TRDMT1: variants seen among roughly 807,000 people sequenced by gnomAD.
TRDMT1 encodes tRNA (cytosine(38)-C(5))-methyltransferase.
Under a neutral mutation model 51.2 loss-of-function variants are expected in TRDMT1, and 49 were observed. The observed-to-expected ratio is 0.96, with a 90% CI of 0.76 to 1.21. TRDMT1 has a LOEUF of 1.21. TRDMT1 is among the 50% of genes most tolerant of loss of function. The probability of loss-of-function intolerance (pLI) is 0.00; values close to 1 mark genes in which losing one functional copy is unlikely to be tolerated. For synonymous variants in TRDMT1, 187 were observed against 164.6 expected (o/e 1.14, Z -1.04); for missense variants, 534 against 462.3 (o/e 1.16, Z -1.42).
At chr10:17,182,651 AC>A (rs996837357) in intron 1 of TRDMT1, among the ~76,000 whole-genome samples, 8 of 152,202 alleles carry the variant, frequency 5.3e-5, no homozygotes, top group African/African-American at 1.9e-4. Flanking sequence ...TTATGGTAAT[AC>A]CCAATCACTT....
intron 1 of TRDMT1, chr10:17,201,176 G>A: frequency 5.3e-6 from 1 of 186,972 alleles, no homozygotes; most frequent in South Asian, 1.2e-4. Flanking sequence ...TCCCTCCCCA[G>A]CTGGGAAGCC....
intron 10 of TRDMT1, among the ~76,000 whole-genome samples, chr10:17,152,691 G>C (rs78861594): frequency 0.012 from 1,763 of 152,274 alleles, 24 homozygotes; most frequent in African/African-American, 0.041. Flanking sequence ...TCAGAGCTGA[G>C]AGCACTGGCC....
Position 17,143,908 on chromosome 10 carries a change from T to A in TRDMT1, c.*5132A>T. On this transcript the variant is annotated 3_prime_UTR_variant, in exon 11 of 11. Transcript: ENST00000377799. Reference sequence around the variant, plus strand: ...ATGGAGTGTGCTTAGGTTGCAAGCATGCTAAATTTGATGCAAATCCGATAC... The same window carrying A: ...ATGGAGTGTGCTTAGGTTGCAAGCAAGCTAAATTTGATGCAAATCCGATAC... The A allele has an allele frequency of 2.0e-6, 2 of 981,578 alleles. No homozygotes were observed. Among genetic ancestry groups the A allele is most frequent in the Non-Finnish European group, 2.4e-6 (2 of 828,288 alleles). 60.8% of individuals were successfully genotyped at this position (981,578 alleles called of 1,614,324 possible). A position where few individuals can be genotyped will look rare whatever the true frequency, so the allele number is the denominator to read the frequency against.
chr10:17,139,190 T>C lies in TRDMT1; in HGVS notation c.*9850A>G. ...ATAGGTGAACCCTCCTGCCATCCTG[T>C]TCCAAATCAACCTAAAAAGGACAAA... On this transcript the variant is annotated 3_prime_UTR_variant, in exon 11 of 11. Coordinates refer to ENST00000377799, the MANE Select transcript of TRDMT1 (RefSeq NM_004412.7). 2.0e-6 allele frequency: 2 copies of C among 985,376 alleles called. No homozygotes were observed. Among genetic ancestry groups the C allele is most frequent in the Non-Finnish European group, 2.4e-6 (2 of 829,910 alleles). 61.0% of individuals were successfully genotyped at this position (985,376 alleles called of 1,614,324 possible). A position where few individuals can be genotyped will look rare whatever the true frequency, so the allele number is the denominator to read the frequency against.
intron 2 of TRDMT1, chr10:17,169,377 C>T: frequency 7.9e-7 from 1 of 1,260,082 alleles, no homozygotes; most frequent in Non-Finnish European, 1.0e-6. Context: ...TCATATACAT[C>T]TGTTAATATA....
chr10:17,201,442 G>GGGCCGCCCCACAGT (rs1846152935), intron 1 of TRDMT1, 129 bp downstream of exon 1: 4 of 885,922 alleles, frequency 4.5e-6, no homozygotes, highest in Non-Finnish European at 6.4e-6. Context: ...GGACAACCGA[G>GGGCCGCCCCACAGT]GGCCGCCCCA....
chr10:17,174,092 C>T (rs1842360653), intron 2 of TRDMT1, among the ~76,000 whole-genome samples: 1 of 152,188 alleles, frequency 6.6e-6, no homozygotes, highest in Non-Finnish European at 1.5e-5. Flanking sequence ...AATAACTCAA[C>T]ATAAATCAGT....
At chr10:17,151,843 A>T (rs780335806) in intron 10 of TRDMT1, 8 of 940,710 alleles carry the variant, frequency 8.5e-6, no homozygotes, top group Non-Finnish European at 1.0e-5. Flanking sequence ...AACTATCACA[A>T]TAACTCTATG....
Position 17,144,906 on chromosome 10 carries a change from A to T in TRDMT1, c.*4134T>A, listed in dbSNP as rs899865315. 2.0e-6 allele frequency: 2 copies of T among 985,266 alleles called. No homozygotes were observed. Among genetic ancestry groups the T allele is most frequent in the African/African-American group, 3.5e-5 (2 of 57,224 alleles). The allele number at this position is 985,266 out of a possible 1,614,324, so 61.0% of individuals were successfully genotyped here. On this transcript the variant is annotated 3_prime_UTR_variant, in exon 11 of 11. Coordinates refer to ENST00000377799, the MANE Select transcript of TRDMT1 (RefSeq NM_004412.7). ...GATGCACACAGGTTGACTCATGCAA[A>T]CTGAAACTAAAGAACATGTGCAAGA...
At chr10:17,169,793 G>A (rs1413878829) in intron 2 of TRDMT1, among the ~76,000 whole-genome samples, 1 of 152,180 alleles carries the variant, frequency 6.6e-6, no homozygotes, top group Non-Finnish European at 1.5e-5. Flanking sequence ...GTTTGAATGT[G>A]CTTGTCTATC....
chr10:17,152,411 A>G (rs1001960403), intron 10 of TRDMT1, among the ~76,000 whole-genome samples: 2 of 152,224 alleles, frequency 1.3e-5, no homozygotes, highest in Non-Finnish European at 2.9e-5. Flanking sequence ...GTTGTGTTCC[A>G]AAACCTCAGC....
At chr10:17,151,833 A>T in intron 10 of TRDMT1, 1 of 897,376 alleles carries the variant, frequency 1.1e-6, no homozygotes, top group Non-Finnish European at 1.3e-6. Flanking sequence ...TGACTCATTT[A>T]ACTATCACAA....
In TRDMT1 at chr10:17,142,952, T is replaced by C; in HGVS notation, c.*6088A>G. On this transcript the variant is annotated 3_prime_UTR_variant, in exon 11 of 11. Transcript: ENST00000377799. ...AGGGAGGAGCAGGGAGAAATAAATC[T>C]ACACTCTCTTGTCAAGACCAGAAGT... 2.1e-6 allele frequency: 2 copies of C among 974,362 alleles called. No homozygotes were observed. The highest frequency in any genetic ancestry group is 2.4e-6 in the Non-Finnish European group (2 of 819,824). 60.4% of individuals were successfully genotyped at this position (974,362 alleles called of 1,614,324 possible).
rs1303380401 is a variant in TRDMT1 at position 17,150,660 on chromosome 10, A to G, written c.1076-1520T>C. On this transcript the variant is annotated intron_variant, in intron 10 of 10. Transcript: ENST00000377799. ...ATGAAAAACAATTAGGAGCATTAAG[A>G]ATAGCAAAATTTCATATACTCATGA... 3.0e-6 allele frequency: 3 copies of G among 985,014 alleles called. No individual in the cohort carries two copies. In the African/African-American group the frequency reaches 5.2e-5, roughly 17 times the overall value. The allele number at this position is 985,014 out of a possible 1,614,324, so 61.0% of individuals were successfully genotyped here. A position where few individuals can be genotyped will look rare whatever the true frequency, so the allele number is the denominator to read the frequency against.
At chr10:17,160,234 A>G in intron 6 of TRDMT1, 71 bp downstream of exon 6, 1 of 1,054,328 alleles carries the variant, frequency 9.5e-7, no homozygotes, top group Middle Eastern at 3.3e-4. Flanking sequence ...TGCTTATCGA[A>G]TCAAATTTCC....
At chr10:17,183,470 T>C (rs1044841443) in intron 1 of TRDMT1, among the ~76,000 whole-genome samples, 6 of 152,194 alleles carry the variant, frequency 3.9e-5, no homozygotes, top group African/African-American at 1.4e-4. Flanking sequence ...CAGGCTGGAG[T>C]GCCGTGGCAT....
intron 2 of TRDMT1, among the ~76,000 whole-genome samples, chr10:17,170,954 T>C (rs1841901236): frequency 6.6e-6 from 1 of 152,194 alleles, no homozygotes; most frequent in East Asian, 1.9e-4. Flanking sequence ...CATTTTTAAA[T>C]ATTTCTATTT....
At chr10:17,177,266 G>A (rs1267008140) in intron 1 of TRDMT1, among the ~76,000 whole-genome samples, 6 of 150,854 alleles carry the variant, frequency 4.0e-5, no homozygotes, top group South Asian at 2.1e-4. Context: ...GCATGATCTC[G>A]GCTCACTGCA....
At chr10:17,170,711 T>G (rs1285745796) in intron 2 of TRDMT1, among the ~76,000 whole-genome samples, 1 of 152,200 alleles carries the variant, frequency 6.6e-6, no homozygotes, top group Non-Finnish European at 1.5e-5. Context: ...GCTTTCATCA[T>G]TTTTCAAATC....
Sources: gnomAD v4.1 joint callset for allele counts (sites outside exome capture counted in the v4.1 genomes callset) on GRCh38, gnomAD v4.1.1 for gene constraint, MANE v1.5 for transcripts, NCBI Gene and HGNC (gene_info 2026-07-23, HGNC 2026-07-21) for gene names.